The following OPCML variants were observed in gnomAD, a reference collection of about 807,000 sequenced individuals.
The protein encoded by OPCML is opioid binding protein/cell adhesion molecule like, also known as opioid-binding protein/cell adhesion molecule.
In OPCML, 13 loss-of-function variants were observed where a neutral mutation model predicts 37.8. The ratio of observed to expected loss-of-function variants is 0.34; its 90% CI spans 0.22 to 0.55. OPCML has a LOEUF of 0.55. OPCML is among the 20% of genes least tolerant of loss of function. OPCML has a pLI of 0.91. For synonymous variants in OPCML, 176 were observed against 168.8 expected, an observed-to-expected ratio of 1.04 and a Z score of -0.33; for missense variants, 341 against 435.6, an observed-to-expected ratio of 0.78 and a Z score of 1.93.
intron 1 of OPCML, among the ~76,000 whole-genome samples, chr11:133,128,277 G>A (rs547332271): frequency 2.3e-4 from 35 of 152,302 alleles, no homozygotes; most frequent in Middle Eastern, 3.4e-3. Flanking sequence ...TATGGAGGTG[G>A]AATCCAGATT....
intron 2 of OPCML, among the ~76,000 whole-genome samples, chr11:132,910,260 A>G (rs932099033): frequency 1.4e-5 from 2 of 145,764 alleles, no homozygotes; most frequent in Non-Finnish European, 3.0e-5. Context: ...GGCTGGGGGT[A>G]GGGGGCCTCA....
intron 3 of OPCML, among the ~76,000 whole-genome samples, chr11:132,539,697 TTGATGATAATGGTTATGG>T (rs1161992456): frequency 2.0e-5 from 3 of 151,606 alleles, no homozygotes; most frequent in Non-Finnish European, 4.4e-5. Flanking sequence ...AATGGTGATG[TTGATGATAATGGTTATGG>T]TGATGATGAT....
chr11:132,644,155 T>C (rs1941017836), intron 3 of OPCML, among the ~76,000 whole-genome samples: 1 of 152,214 alleles, frequency 6.6e-6, no homozygotes, highest in Admixed American at 6.5e-5. Flanking sequence ...AACAATGCTA[T>C]AATTAATTAT....
At chr11:132,980,620 ATGCAGTCAGAAAAT>A (rs951449944) in intron 1 of OPCML, among the ~76,000 whole-genome samples, 36 of 152,308 alleles carry the variant, frequency 2.4e-4, no homozygotes, top group African/African-American at 7.9e-4. Flanking sequence ...TAAGTGTGTT[ATGCAGTCAGAAAAT>A]TGACACTAAA....
intron 4 of OPCML, among the ~76,000 whole-genome samples, chr11:132,476,093 A>G (rs936513829): frequency 1.3e-5 from 2 of 152,220 alleles, no homozygotes; most frequent in African/African-American, 2.4e-5. Flanking sequence ...ACACACTCTC[A>G]TGTTTTTAGC....
chr11:133,146,938 C>T (rs1414011770), intron 1 of OPCML, among the ~76,000 whole-genome samples: 4 of 152,224 alleles, frequency 2.6e-5, no homozygotes, highest in Non-Finnish European at 5.9e-5. Context: ...CCCTCCTGAC[C>T]TTTGCTGAGT....
chr11:132,728,191 T>C (rs903592329), intron 2 of OPCML, among the ~76,000 whole-genome samples: 3 of 148,954 alleles, frequency 2.0e-5, no homozygotes, highest in African/African-American at 7.3e-5. Context: ...GCCCGCACCC[T>C]GTCTCCCCTG....
At chr11:132,835,612 C>A (rs1024457093) in intron 2 of OPCML, among the ~76,000 whole-genome samples, 1 of 152,212 alleles carries the variant, frequency 6.6e-6, no homozygotes, top group Non-Finnish European at 1.5e-5. Context: ...CTACCCCCAA[C>A]TTACAATCAA....
intron 1 of OPCML, among the ~76,000 whole-genome samples, chr11:133,518,320 T>C (rs1265013863): frequency 2.7e-5 from 4 of 150,506 alleles, no homozygotes; most frequent in Non-Finnish European, 5.9e-5. Flanking sequence ...GAAGCGTGTA[T>C]AAGTGTGTGT....
chr11:132,923,308 C>T (rs2097576826), intron 2 of OPCML, among the ~76,000 whole-genome samples: 2 of 152,038 alleles, frequency 1.3e-5, no homozygotes, highest in South Asian at 2.1e-4. Context: ...TGGATTTGTA[C>T]CTAAGCATTC....
chr11:132,695,469 A>G (rs1943567741), intron 2 of OPCML, among the ~76,000 whole-genome samples: 2 of 152,194 alleles, frequency 1.3e-5, no homozygotes, highest in Admixed American at 1.3e-4. Flanking sequence ...TGAGCATGAG[A>G]GCTTATATAA....
chr11:133,434,788 T>TTATATATATATA (rs1388445894), intron 1 of OPCML, among the ~76,000 whole-genome samples: 4 of 119,200 alleles, frequency 3.4e-5, no homozygotes, highest in African/African-American at 1.5e-4. Context: ...AAAAAAAAAA[T>TTATATATATATA]TATATATATG....
chr11:132,729,265 T>A (rs1332118017), intron 2 of OPCML, among the ~76,000 whole-genome samples: 2 of 152,174 alleles, frequency 1.3e-5, no homozygotes, highest in Non-Finnish European at 2.9e-5. Context: ...ACATTGTACA[T>A]ACCCAGGCAG....
intron 1 of OPCML, among the ~76,000 whole-genome samples, chr11:133,085,188 T>A (rs1338375493): frequency 1.3e-5 from 2 of 152,228 alleles, no homozygotes; most frequent in Non-Finnish European, 2.9e-5. Flanking sequence ...ACCCAGTGCA[T>A]TTCATGAGTA....
At chr11:133,165,743 T>G (rs189783008) in intron 1 of OPCML, among the ~76,000 whole-genome samples, 5 of 152,154 alleles carry the variant, frequency 3.3e-5, no homozygotes, top group Non-Finnish European at 7.3e-5. Flanking sequence ...GCAGGCCCTC[T>G]CTCCTCCCCA....
chr11:133,026,419 CCTGTTTGCATCCT>C lies in OPCML; in HGVS notation c.62-83422_62-83410del, dbSNP rs1216782473. 3.0e-6 allele frequency: 3 copies of C among 985,258 alleles called. No homozygotes were observed. In the Admixed American group the frequency reaches 1.8e-4, roughly 61 times the overall value. The allele number at this position is 985,258 out of a possible 1,614,324, so 61.0% of individuals were successfully genotyped here. A position where few individuals can be genotyped will look rare whatever the true frequency, so the allele number is the denominator to read the frequency against. ...CTTGCCTGCCTCTTCTTTAGGGAAA[CCTGTTTGCATCCT>C]CTTTTCTCATCCCTGGTTCCTGTTT... On this transcript the variant is annotated intron_variant, in intron 1 of 7. Transcript: ENST00000524381.
intron 1 of OPCML, among the ~76,000 whole-genome samples, chr11:133,294,795 T>TC (rs1555133209): frequency 1.4e-4 from 20 of 147,446 alleles, no homozygotes; most frequent in Admixed American, 4.0e-4. Context: ...TTCTTTTTTT[T>TC]TTTCTTTCTT....
intron 1 of OPCML, among the ~76,000 whole-genome samples, chr11:133,091,414 G>A (rs977274684): frequency 6.6e-6 from 1 of 152,142 alleles, no homozygotes; most frequent in African/African-American, 2.4e-5. Flanking sequence ...AGAGTGCAAC[G>A]CCAGCCTGGG....
At chr11:133,332,832 A>C (rs894839034) in intron 1 of OPCML, among the ~76,000 whole-genome samples, 1 of 152,038 alleles carries the variant, frequency 6.6e-6, no homozygotes, top group Non-Finnish European at 1.5e-5. Context: ...TTTGCTTTTT[A>C]ATGTGTTGCT....
Sources: gnomAD v4.1 joint callset for allele counts (sites outside exome capture counted in the v4.1 genomes callset) on GRCh38, gnomAD v4.1.1 for gene constraint, MANE v1.5 for transcripts, NCBI Gene and HGNC (gene_info 2026-07-23, HGNC 2026-07-21) for gene names.